The following STX18 variants were observed in gnomAD, a reference collection of about 807,000 sequenced individuals.
STX18 encodes the protein syntaxin 18.
STX18 carries 40 observed loss-of-function variants against 50.1 expected under a neutral mutation model. The ratio of observed to expected loss-of-function variants is 0.80; its 90% CI spans 0.62 to 1.04. STX18 has a LOEUF of 1.04. Ranked by LOEUF, STX18 falls within the 50% of genes least tolerant of loss-of-function variation. The probability of loss-of-function intolerance (pLI) is 0.00; values close to 1 mark genes in which losing one functional copy is unlikely to be tolerated. For synonymous variants in STX18, 158 were observed against 151.8 expected (o/e 1.04, Z -0.30); for missense variants, 410 against 415.8 (o/e 0.99, Z 0.12).
intron 1 of STX18, among the ~76,000 whole-genome samples, chr4:4,485,999 G>A (rs1452535327): frequency 2.0e-5 from 3 of 152,170 alleles, no homozygotes; most frequent in Admixed American, 6.5e-5. Flanking sequence ...TGGTCAGCAC[G>A]CAGGCAGAGG....
intron 1 of STX18, among the ~76,000 whole-genome samples, chr4:4,505,843 T>C (rs1031199827): frequency 6.6e-5 from 10 of 152,122 alleles, no homozygotes; most frequent in African/African-American, 2.2e-4. Context: ...CTTATCACTT[T>C]TGCAGCACTG....
intron 1 of STX18, chr4:4,478,972 G>GAAA (rs1728330614): frequency 6.6e-6 from 1 of 152,602 alleles, no homozygotes; most frequent in Non-Finnish European, 1.5e-5. Flanking sequence ...TAGTTCCACT[G>GAAA]GACTGGGAAG....
intron 5 of STX18, among the ~76,000 whole-genome samples, chr4:4,453,188 G>A (rs887160807): frequency 1.3e-5 from 2 of 152,190 alleles, no homozygotes; most frequent in Non-Finnish European, 2.9e-5. Flanking sequence ...GGGTTTGAGA[G>A]GACTGACTCA....
chr4:4,434,057 C>T (rs1725654195), intron 7 of STX18, among the ~76,000 whole-genome samples: 1 of 152,234 alleles, frequency 6.6e-6, no homozygotes, highest in African/African-American at 2.4e-5. Context: ...AACTGCTGCA[C>T]ACTTAAAATG....
intron 5 of STX18, among the ~76,000 whole-genome samples, chr4:4,449,946 G>A (rs192203193): frequency 1.3e-5 from 2 of 152,198 alleles, no homozygotes; most frequent in East Asian, 3.9e-4. Context: ...CTAACATTCT[G>A]AGCCCTTCCT....
chr4:4,459,049 A>AACACACACACGC (rs1560174236), intron 3 of STX18, among the ~76,000 whole-genome samples: 3 of 121,826 alleles, frequency 2.5e-5, no homozygotes, highest in Non-Finnish European at 5.2e-5. Context: ...TGCCACACAG[A>AACACACACACGC]ACACACACAC....
At chr4:4,519,494 T>C (rs1730421000) in intron 1 of STX18, among the ~76,000 whole-genome samples, 1 of 152,174 alleles carries the variant, frequency 6.6e-6, no homozygotes, top group South Asian at 2.1e-4. Flanking sequence ...TAGGGACCAA[T>C]AGGTGCCTTC....
In STX18 at chr4:4,507,316, C is replaced by T. The variant is rs1194819759; in HGVS notation, c.168+34481G>A. ...GGAAAAGAACTCGGACCTCAAGGCT[C>T]AGCTCACAGAGCTGAATATTATGGC... On this transcript the variant is annotated intron_variant, in intron 1 of 10. Coordinates refer to ENST00000306200, the MANE Select transcript of STX18 (RefSeq NM_016930.4). The T allele has an allele frequency of 5.5e-6, 4 of 731,586 alleles. No homozygotes were observed. In the Admixed American group the frequency reaches 7.0e-5, roughly 13 times the overall value. The allele number at this position is 731,586 out of a possible 1,614,324, so 45.3% of individuals were successfully genotyped here.
chr4:4,539,096 T>C (rs1731466658), intron 1 of STX18, among the ~76,000 whole-genome samples: 1 of 152,168 alleles, frequency 6.6e-6, no homozygotes, highest in Non-Finnish European at 1.5e-5. Context: ...TGCAATTTTA[T>C]TCAACTTAAT....
chr4:4,440,446 T>C lies in STX18; in HGVS notation c.498-1937A>G, dbSNP rs183959010. Among the ~76,000 whole-genome samples the C allele has an allele frequency of 1.1e-3, 174 of 152,352 alleles. 1 individual carries two copies. Among genetic ancestry groups the C allele is most frequent in the African/African-American group, 4.2e-3 (173 of 41,580 alleles). On this transcript the variant is annotated intron_variant, in intron 5 of 10. Transcript: ENST00000306200. ...GTCAGCAAATGGCTGGGCTGGGACA[T>C]GACCTCAGGGAACCTAGCTCTGAAG...
intron 1 of STX18, among the ~76,000 whole-genome samples, chr4:4,527,882 T>TA (rs925670481): frequency 8.7e-6 from 1 of 114,406 alleles, no homozygotes; most frequent in Non-Finnish European, 1.9e-5. Flanking sequence ...ATATATATAT[T>TA]AAAAACTACC....
intron 8 of STX18, among the ~76,000 whole-genome samples, 185 bp downstream of exon 8, chr4:4,424,979 C>T (rs992331968): frequency 6.6e-6 from 1 of 152,158 alleles, no homozygotes; most frequent in Non-Finnish European, 1.5e-5. Context: ...ACCCACAGGC[C>T]CACAAGCTGA....
chr4:4,483,401 AC>A (rs1322374229), intron 1 of STX18, among the ~76,000 whole-genome samples: 2 of 152,240 alleles, frequency 1.3e-5, no homozygotes, highest in African/African-American at 2.4e-5. Context: ...GGACTCTTAC[AC>A]CCATAGAAAA....
chr4:4,451,062 T>C (rs1030849360), intron 5 of STX18, among the ~76,000 whole-genome samples: 1 of 152,222 alleles, frequency 6.6e-6, no homozygotes, highest in Non-Finnish European at 1.5e-5. Flanking sequence ...AATTAACTAG[T>C]TGAAGCCAAT....
chr4:4,430,683 A>G (rs1265622442), intron 7 of STX18, among the ~76,000 whole-genome samples: 1 of 152,218 alleles, frequency 6.6e-6, no homozygotes, highest in Non-Finnish European at 1.5e-5. Context: ...GTACTCTGAC[A>G]TATCAGTTGC....
rs1470081263 is a variant in STX18 at position 4,420,413 on chromosome 4, G to A, written c.913-284C>T. 7 of 446,804 alleles carry A rather than the reference G, an allele frequency of 1.6e-5. No homozygotes were observed. Among genetic ancestry groups the A allele is most frequent in the African/African-American group, 1.4e-4 (7 of 50,770 alleles). The allele number at this position is 446,804 out of a possible 1,614,324, so 27.7% of individuals were successfully genotyped here. ...CAGGGTTAAGGGCCCCGAGCAGAGT[G>A]TGACCGCAAGCTTTGTGTTTCCCAG... On this transcript the variant is annotated intron_variant, in intron 10 of 10. Transcript: ENST00000306200. This position sits in a 1 kb window ranked among gnomAD's most constrained non-coding sequence, Gnocchi z 4.3.
intron 5 of STX18, among the ~76,000 whole-genome samples, chr4:4,439,428 C>G (rs1407075658): frequency 1.9e-5 from 2 of 104,812 alleles, no homozygotes; most frequent in African/African-American, 7.7e-5. Flanking sequence ...TGTATATATA[C>G]CCCCCACATA....
Position 4,541,802 on chromosome 4 carries a change from C to G in STX18, c.163G>C (p.Glu55Gln). The change falls in exon 1 of 11, where the codon GAA becomes CAA. Residue 55 changes from glutamate (E) to glutamine (Q), a missense_variant. By Grantham distance (29) the Glu-to-Gln change is conservative. Coordinates refer to ENST00000306200, the MANE Select transcript of STX18 (RefSeq NM_016930.4). ...PKGDFSSRAR[E>Q]VISHIGKLRD... The stretch of plus-strand genomic sequence containing the variant: ...TTCCATAGCAACCAGCTCACCACTT[C>G]GCGGGCCCGGCTGGAGAAGTCGCCC... 6.2e-7 allele frequency: 1 copy of G among 1,607,824 alleles called. No homozygotes were observed. Among genetic ancestry groups the G allele is most frequent in the East Asian group, 2.2e-5 (1 of 44,680 alleles).
At chr4:4,439,100 CCACA>C (rs1410914841) in intron 5 of STX18, among the ~76,000 whole-genome samples, 92 of 126,170 alleles carry the variant, frequency 7.3e-4, no homozygotes, top group South Asian at 1.3e-3. Context: ...ACATATACCC[CCACA>C]CACATACCCC....
Sources: gnomAD v4.1 joint callset for allele counts (sites outside exome capture counted in the v4.1 genomes callset) on GRCh38, gnomAD v4.1.1 for gene constraint, Gnocchi (gnomAD v3.1) non-coding constraint, MANE v1.5 for transcripts, NCBI Gene and HGNC (gene_info 2026-07-23, HGNC 2026-07-21) for gene names.